The following SGCZ variants were observed in gnomAD, a reference collection of about 807,000 sequenced individuals.
The protein encoded by SGCZ is sarcoglycan zeta, also known as zeta-sarcoglycan.
SGCZ carries 40 observed loss-of-function variants against 41.3 expected under a neutral mutation model. The observed-to-expected ratio is 0.97, with a 90% CI of 0.75 to 1.26. The LOEUF (loss-of-function observed/expected upper bound fraction) is 1.26, where lower values mean the gene tolerates loss of function less well. Ranked by LOEUF, SGCZ falls within the 50% of genes most tolerant of loss-of-function variation. The probability of loss-of-function intolerance (pLI) is 0.00; values close to 1 mark genes in which losing one functional copy is unlikely to be tolerated. For missense variants in SGCZ, 552 were observed against 369.8 expected (o/e 1.49, Z -4.04); for synonymous variants, 206 against 137.5 (o/e 1.50, Z -3.49).
intron 5 of SGCZ, among the ~76,000 whole-genome samples, chr8:14,133,364 T>C (rs902470242): frequency 6.6e-6 from 1 of 152,250 alleles, no homozygotes; most frequent in African/African-American, 2.4e-5. Context: ...CAGCTTGCAT[T>C]GTTTTTTGAG....
intron 1 of SGCZ, among the ~76,000 whole-genome samples, chr8:14,893,476 A>G (rs1805091310): frequency 6.6e-6 from 1 of 152,202 alleles, no homozygotes; most frequent in Non-Finnish European, 1.5e-5. Context: ...ATGGGAATTA[A>G]TAGAGGCCAA....
chr8:14,264,001 G>T (rs995223719), intron 3 of SGCZ, among the ~76,000 whole-genome samples: 2 of 152,220 alleles, frequency 1.3e-5, no homozygotes, highest in Non-Finnish European at 2.9e-5. Flanking sequence ...CCCACAGACA[G>T]ATAGAGCCAC....
intron 2 of SGCZ, among the ~76,000 whole-genome samples, chr8:14,544,833 C>G (rs949232833): frequency 4.6e-5 from 7 of 152,118 alleles, no homozygotes; most frequent in Non-Finnish European, 7.3e-5. Context: ...CTTTCTTGGG[C>G]CCTTATCAGT....
chr8:14,431,596 A>C (rs1336593103), intron 2 of SGCZ, among the ~76,000 whole-genome samples: 1 of 152,212 alleles, frequency 6.6e-6, no homozygotes, highest in Non-Finnish European at 1.5e-5. Flanking sequence ...TCTAAAAGAC[A>C]TCAGAGAAAC....
chr8:14,172,564 G>A (rs1804419205), intron 4 of SGCZ, among the ~76,000 whole-genome samples: 3 of 152,080 alleles, frequency 2.0e-5, no homozygotes, highest in African/African-American at 7.2e-5. Context: ...TTATAAAACT[G>A]GGCAAAATGT....
intron 3 of SGCZ, among the ~76,000 whole-genome samples, chr8:14,259,043 A>C (rs1563218035): frequency 6.6e-6 from 1 of 152,212 alleles, no homozygotes; most frequent in Non-Finnish European, 1.5e-5. Context: ...ACGTGCTAAA[A>C]GTCTTCCCTC....
At chr8:14,904,382 C>T (rs891882861) in intron 1 of SGCZ, among the ~76,000 whole-genome samples, 7 of 152,034 alleles carry the variant, frequency 4.6e-5, no homozygotes, top group Non-Finnish European at 7.4e-5. Flanking sequence ...AAAGATTAGA[C>T]GCAGTTCAAT....
At chr8:14,675,246 C>G (rs1285798071) in intron 1 of SGCZ, among the ~76,000 whole-genome samples, 5 of 151,838 alleles carry the variant, frequency 3.3e-5, no homozygotes, top group African/African-American at 1.2e-4. Flanking sequence ...GGCCAAACCT[C>G]TTTTCTTATA....
intron 1 of SGCZ, among the ~76,000 whole-genome samples, chr8:14,697,337 T>A (rs1399995425): frequency 6.6e-6 from 1 of 152,048 alleles, no homozygotes; most frequent in African/African-American, 2.4e-5. Flanking sequence ...TAATCATACC[T>A]ATCTCATTAG....
intron 1 of SGCZ, among the ~76,000 whole-genome samples, chr8:14,783,196 G>C (rs1800644445): frequency 6.6e-6 from 1 of 152,170 alleles, no homozygotes; most frequent in Non-Finnish European, 1.5e-5. Context: ...CACTTTGGGA[G>C]GCCGAGGTGG....
At chr8:14,583,196 C>T (rs1471444889) in intron 1 of SGCZ, among the ~76,000 whole-genome samples, 3 of 150,918 alleles carry the variant, frequency 2.0e-5, no homozygotes, top group Non-Finnish European at 4.4e-5. Flanking sequence ...TTAATGATCG[C>T]CATTCTAACT....
At chr8:15,190,116 C>T (rs1585656287) in intron 1 of SGCZ, among the ~76,000 whole-genome samples, 1 of 152,128 alleles carries the variant, frequency 6.6e-6, no homozygotes. Context: ...GGTTTGATGT[C>T]TGCTTTACCT....
chr8:14,993,281 A>C (rs1414627747), intron 1 of SGCZ, among the ~76,000 whole-genome samples: 1 of 152,112 alleles, frequency 6.6e-6, no homozygotes, highest in African/African-American at 2.4e-5. Flanking sequence ...ACTGCTGTAT[A>C]AAATGTTCCT....
At chr8:14,964,764 A>G (rs1409396231) in intron 1 of SGCZ, among the ~76,000 whole-genome samples, 2 of 152,170 alleles carry the variant, frequency 1.3e-5, no homozygotes, top group East Asian at 3.9e-4. Context: ...ACAGAACTCT[A>G]CTAGGAGCTG....
At chr8:14,992,423 G>T (rs901478640) in intron 1 of SGCZ, among the ~76,000 whole-genome samples, 4 of 143,858 alleles carry the variant, frequency 2.8e-5, no homozygotes, top group African/African-American at 1.1e-4. Context: ...CAAAACTAAT[G>T]TTGGCATTGA....
intron 2 of SGCZ, among the ~76,000 whole-genome samples, chr8:14,374,869 G>A (rs763859544): frequency 5.9e-5 from 9 of 152,176 alleles, no homozygotes; most frequent in Non-Finnish European, 1.3e-4. Context: ...GGTACATCCT[G>A]ATGAAGTCTA....
chr8:15,199,772 C>T (rs1359687915), intron 1 of SGCZ, among the ~76,000 whole-genome samples: 1 of 152,022 alleles, frequency 6.6e-6, no homozygotes, highest in Non-Finnish European at 1.5e-5. Flanking sequence ...GAAAAATAAG[C>T]CTCAATTAAA....
intron 4 of SGCZ, among the ~76,000 whole-genome samples, chr8:14,182,072 G>C (rs1470755089): frequency 6.6e-6 from 1 of 152,160 alleles, no homozygotes; most frequent in South Asian, 2.1e-4. Context: ...TATGTATACT[G>C]TATATGTGGC....
chr8:15,084,776 G>GAA (rs553233526), intron 1 of SGCZ, among the ~76,000 whole-genome samples: 33 of 152,078 alleles, frequency 2.2e-4, no homozygotes, highest in Admixed American at 3.9e-4. Flanking sequence ...AAGAAAGAAA[G>GAA]AAAAGAAATC....
Sources: allele counts gnomAD v4.1 joint callset (sites outside exome capture counted in the v4.1 genomes callset), GRCh38; gene constraint gnomAD v4.1.1; transcripts MANE v1.5; gene names NCBI Gene and HGNC (gene_info 2026-07-23, HGNC 2026-07-21).